Variants in PTPRO observed in about 807,000 individuals in gnomAD.
The protein encoded by PTPRO is receptor-type tyrosine-protein phosphatase O.
In PTPRO, 62 loss-of-function variants were observed where a neutral mutation model predicts 145.2. That is an observed-to-expected ratio of 0.43 (90% CI 0.35 to 0.53). PTPRO has a LOEUF of 0.53. Ranked by LOEUF, PTPRO falls within the 20% of genes least tolerant of loss-of-function variation. The pLI, the probability that PTPRO is intolerant of heterozygous loss-of-function variation, is 0.01. For synonymous variants in PTPRO, 565 were observed against 514.7 expected, an observed-to-expected ratio of 1.10 and a Z score of -1.32; for missense variants, 1,345 against 1,482.7, an observed-to-expected ratio of 0.91 and a Z score of 1.53.
chr12:15,384,851 A>T (rs147996771), intron 1 of PTPRO, among the ~76,000 whole-genome samples: 1 of 152,216 alleles, frequency 6.6e-6, no homozygotes. Context: ...TCTTGTATAG[A>T]GTAAAATTTT....
chr12:15,395,365 G>A (rs1939306870), intron 1 of PTPRO, among the ~76,000 whole-genome samples: 3 of 152,152 alleles, frequency 2.0e-5, no homozygotes, highest in Admixed American at 2.0e-4. Flanking sequence ...CAAGGTTTTT[G>A]TGGTTGTTCC....
intron 1 of PTPRO, among the ~76,000 whole-genome samples, chr12:15,397,432 G>T (rs550169741): frequency 6.6e-6 from 1 of 152,136 alleles, no homozygotes; most frequent in East Asian, 1.9e-4. Flanking sequence ...TGATTGAAAA[G>T]CCCCTACTTT....
rs151225487 is a variant in PTPRO, at chr12:15,589,514, G to A, written c.3470G>A (p.Arg1157Gln). The A allele has an allele frequency of 4.7e-4, 752 of 1,614,092 alleles. 6 individuals are homozygous for A. The Admixed American group carries it at 0.012, about 26-fold the overall frequency. Residue 1157 changes from arginine (R) to glutamine (Q), a missense_variant, in exon 25 of 27, where the codon CGG (arginine) becomes CAG (glutamine). By Grantham distance (43) the Arg-to-Gln change is conservative. Transcript: ENST00000281171. ...IALDRLLQHIRDHEFVDILGL... is the reference protein window; with the variant it reads ...IALDRLLQHIQDHEFVDILGL... ...CTGGACAGGCTCTTGCAGCACATTC[G>A]GGATCATGAGTTTGTTGACATCTTA...
intron 7 of PTPRO, among the ~76,000 whole-genome samples, chr12:15,514,372 A>C (rs1942529261): frequency 6.6e-6 from 1 of 151,314 alleles, no homozygotes; most frequent in South Asian, 2.1e-4. Flanking sequence ...GAAATGCTTG[A>C]ACCCGGGAGG....
Position 15,524,504 on chromosome 12 carries a change from C to A in PTPRO, c.1892-310C>A, listed in dbSNP as rs141422370. On this transcript the variant is annotated intron_variant, in intron 10 of 26. Transcript: ENST00000281171. ...AATTGGTTGATGTAACAAAAATATA[C>A]CCAAACAAGTGAACTTTTTAGGAAT... Among the ~76,000 whole-genome samples the A allele has an allele frequency of 3.7e-4, 56 of 152,232 alleles. No individual in the cohort carries two copies. In the East Asian group the frequency reaches 8.3e-3, roughly 23 times the overall value.
intron 1 of PTPRO, among the ~76,000 whole-genome samples, chr12:15,402,537 T>G (rs1160822943): frequency 6.6e-6 from 1 of 152,194 alleles, no homozygotes; most frequent in East Asian, 1.9e-4. Context: ...ATACTATGTC[T>G]TAGATCAGTG....
chr12:15,331,357 A>C (rs1866603594), intron 1 of PTPRO, among the ~76,000 whole-genome samples: 1 of 152,162 alleles, frequency 6.6e-6, no homozygotes, highest in Non-Finnish European at 1.5e-5. Context: ...GAAGAATAAA[A>C]AAGCAGCCCC....
chr12:15,383,009 A>G (rs1198776598), intron 1 of PTPRO, among the ~76,000 whole-genome samples: 1 of 152,212 alleles, frequency 6.6e-6, no homozygotes, highest in Non-Finnish European at 1.5e-5. Context: ...AAAATATACA[A>G]TACAATATTA....
intron 12 of PTPRO, among the ~76,000 whole-genome samples, chr12:15,544,275 C>T (rs938413639): frequency 6.6e-6 from 1 of 151,858 alleles, no homozygotes; most frequent in Non-Finnish European, 1.5e-5. Flanking sequence ...GAGGCAGAGG[C>T]AGGCAGATCA....
chr12:15,558,938 T>C (rs747875714), intron 16 of PTPRO, among the ~76,000 whole-genome samples: 1 of 152,330 alleles, frequency 6.6e-6, no homozygotes, highest in Non-Finnish European at 1.5e-5. Flanking sequence ...AAGAAATCCA[T>C]CAACCCTTGA....
chr12:15,377,423 C>T (rs1426784839), intron 1 of PTPRO, among the ~76,000 whole-genome samples: 3 of 152,054 alleles, frequency 2.0e-5, no homozygotes, highest in African/African-American at 7.2e-5. Flanking sequence ...ACAAGAGACA[C>T]ATTTTAGATT....
chr12:15,482,943 G>C (rs1405724119), intron 1 of PTPRO, among the ~76,000 whole-genome samples: 1 of 152,108 alleles, frequency 6.6e-6, no homozygotes, highest in East Asian at 1.9e-4. Context: ...GCTACAAAGT[G>C]AGATTAAAAG....
At chr12:15,433,071 T>C (rs2098653212) in intron 1 of PTPRO, among the ~76,000 whole-genome samples, 1 of 152,150 alleles carries the variant, frequency 6.6e-6, no homozygotes, top group African/African-American at 2.4e-5. Flanking sequence ...TTTGCTTTTG[T>C]CACAATTATT....
intron 1 of PTPRO, among the ~76,000 whole-genome samples, chr12:15,359,843 G>A (rs928936846): frequency 1.3e-5 from 2 of 152,108 alleles, no homozygotes; most frequent in Non-Finnish European, 2.9e-5. Context: ...TTTCTTCTCA[G>A]TTCATGTAGT....
intron 1 of PTPRO, among the ~76,000 whole-genome samples, chr12:15,349,842 A>G (rs1194293534): frequency 1.3e-5 from 2 of 152,236 alleles, no homozygotes; most frequent in East Asian, 3.8e-4. Flanking sequence ...GATTACACGT[A>G]GGACAAGGGA....
At chr12:15,430,486 T>A (rs1340800089) in intron 1 of PTPRO, among the ~76,000 whole-genome samples, 1 of 152,148 alleles carries the variant, frequency 6.6e-6, no homozygotes, top group Non-Finnish European at 1.5e-5. Flanking sequence ...GAAATGTTAC[T>A]GCAAAGATAA....
chr12:15,376,956 C>T (rs1938707470), intron 1 of PTPRO, among the ~76,000 whole-genome samples: 1 of 152,064 alleles, frequency 6.6e-6, no homozygotes, highest in Non-Finnish European at 1.5e-5. Flanking sequence ...TAACTCTTTT[C>T]TTCTTTCATA....
At chr12:15,516,734 T>C in intron 8 of PTPRO, 29 bp from the exon 9 acceptor site, 7 of 1,563,254 alleles carry the variant, frequency 4.5e-6, no homozygotes, top group Non-Finnish European at 6.2e-6. Context: ...TTAACTTTCT[T>C]TTTCTACCCC....
At chr12:15,471,776 C>A (rs1941547905) in intron 1 of PTPRO, among the ~76,000 whole-genome samples, 1 of 152,144 alleles carries the variant, frequency 6.6e-6, no homozygotes, top group Non-Finnish European at 1.5e-5. Context: ...TGAGGAATGG[C>A]TGCATAAATA....
Sources: allele counts gnomAD v4.1 joint callset (sites outside exome capture counted in the v4.1 genomes callset), GRCh38; gene constraint gnomAD v4.1.1; transcripts MANE v1.5; gene names NCBI Gene and HGNC (gene_info 2026-07-23, HGNC 2026-07-21).